The following RYR2 variants were observed in gnomAD, a reference collection of about 807,000 sequenced individuals.
RYR2 encodes cardiac muscle ryanodine receptor-calcium release channel.
A neutral mutation model predicts 601.1 loss-of-function variants in RYR2; 227 were observed. That is an observed-to-expected ratio of 0.38 (90% CI 0.34 to 0.42). The LOEUF is 0.42. Ranked by LOEUF, RYR2 falls within the 10% of genes least tolerant of loss-of-function variation. RYR2 has a pLI of 1.00. For missense variants in RYR2, 4,646 were observed against 6,156.5 expected (o/e 0.75, Z 8.21); for synonymous variants, 2,223 against 2,175.1 (o/e 1.02, Z -0.61).
chr1:237,530,864 C>T (rs1049496273), intron 25 of RYR2, among the ~76,000 whole-genome samples: 17 of 151,432 alleles, frequency 1.1e-4, no homozygotes, highest in Non-Finnish European at 1.5e-4. Context: ...GAGTCAAGAT[C>T]GTGCCACTGC....
At chr1:237,741,412 C>T (rs1691594698) in intron 79 of RYR2, among the ~76,000 whole-genome samples, 1 of 151,942 alleles carries the variant, frequency 6.6e-6, no homozygotes, top group Non-Finnish European at 1.5e-5. Flanking sequence ...CCCATGGAAA[C>T]ATTGAATGCT....
At chr1:237,564,787 A>G (rs1484141975) in intron 27 of RYR2, among the ~76,000 whole-genome samples, 1 of 152,208 alleles carries the variant, frequency 6.6e-6, no homozygotes, top group Non-Finnish European at 1.5e-5. Context: ...AGTTAGTTCT[A>G]CATTCAGTAA....
chr1:237,088,370 C>T (rs1666591143), intron 1 of RYR2, among the ~76,000 whole-genome samples: 1 of 152,158 alleles, frequency 6.6e-6, no homozygotes, highest in East Asian at 1.9e-4. Flanking sequence ...GCTACCTGTG[C>T]TTTTCTTTCC....
chr1:237,318,519 A>G (rs2149516924), intron 2 of RYR2, among the ~76,000 whole-genome samples: 1 of 152,266 alleles, frequency 6.6e-6, no homozygotes, highest in South Asian at 2.1e-4. Context: ...CTAGGAACAA[A>G]TTCTCAGTCT....
chr1:237,414,890 G>T (rs925915174), intron 10 of RYR2, among the ~76,000 whole-genome samples: 11 of 152,168 alleles, frequency 7.2e-5, no homozygotes, highest in African/African-American at 2.7e-4. Flanking sequence ...CCCTCAAAGG[G>T]AGAGGATTCT....
chr1:237,626,385 A>G (rs904674004), intron 40 of RYR2, among the ~76,000 whole-genome samples: 3 of 151,998 alleles, frequency 2.0e-5, no homozygotes, highest in African/African-American at 7.2e-5. Context: ...TGGTTTGTTA[A>G]TAGCTTTCCC....
intron 66 of RYR2, among the ~76,000 whole-genome samples, chr1:237,704,897 A>C (rs1688245952): frequency 6.6e-6 from 1 of 152,236 alleles, no homozygotes; most frequent in Non-Finnish European, 1.5e-5. Flanking sequence ...ACAAATTATC[A>C]GAATCAGTCT....
chr1:237,676,059 A>G (rs1340906866), intron 60 of RYR2, among the ~76,000 whole-genome samples: 2 of 152,164 alleles, frequency 1.3e-5, no homozygotes, highest in Non-Finnish European at 2.9e-5. Flanking sequence ...AAGAACAAAA[A>G]TGAGGTAGGG....
Position 237,828,449 on chromosome 1 carries a change from A to AGCT in RYR2, c.14655+5_14655+7dup. 1 of 1,551,012 alleles carries AGCT rather than the reference A, an allele frequency of 6.4e-7. No individual in the cohort carries two copies. Among genetic ancestry groups the AGCT allele is most frequent in the Non-Finnish European group, 8.8e-7 (1 of 1,142,536 alleles). On this transcript the variant is annotated splice_donor_region_variant and intron_variant, in intron 102 of 104. Coordinates refer to ENST00000366574, the MANE Select transcript of RYR2 (RefSeq NM_001035.3). The stretch of plus-strand genomic sequence containing the variant: ...ACAAGTCAAAGAAGACATGGAGGTA[A>AGCT]GCTTCTCCATTCATGACTCAGCTTC...
At chr1:237,557,005 G>C (rs979150771) in intron 27 of RYR2, among the ~76,000 whole-genome samples, 1 of 151,442 alleles carries the variant, frequency 6.6e-6, no homozygotes, top group African/African-American at 2.4e-5. Context: ...TAGTCTCTCT[G>C]AGATTGCTAT....
intron 1 of RYR2, among the ~76,000 whole-genome samples, chr1:237,045,403 G>A (rs2148089840): frequency 6.6e-6 from 1 of 152,170 alleles, no homozygotes; most frequent in South Asian, 2.1e-4. Flanking sequence ...TGTCTCTCTG[G>A]CATCTCTGTT....
At chr1:237,484,775 TA>T (rs1189716093) in intron 17 of RYR2, among the ~76,000 whole-genome samples, 3 of 152,174 alleles carry the variant, frequency 2.0e-5, no homozygotes, top group African/African-American at 4.8e-5. Flanking sequence ...AGTCTATCAG[TA>T]AAAAGCAAAC....
chr1:237,770,086 T>C (rs921074548), intron 84 of RYR2, among the ~76,000 whole-genome samples: 22 of 152,170 alleles, frequency 1.4e-4, no homozygotes, highest in Admixed American at 3.3e-4. Flanking sequence ...CGCCTTTCTT[T>C]TCACCTTTCT....
chr1:237,781,151 C>G (rs1471485918), intron 88 of RYR2, among the ~76,000 whole-genome samples: 1 of 152,134 alleles, frequency 6.6e-6, no homozygotes, highest in African/African-American at 2.4e-5. Flanking sequence ...CAGGCTCAAG[C>G]AATTCTTGTG....
At chr1:237,391,915 G>T (rs1384186438) in intron 10 of RYR2, among the ~76,000 whole-genome samples, 3 of 152,008 alleles carry the variant, frequency 2.0e-5, no homozygotes, top group African/African-American at 7.2e-5. Context: ...TTGCTTTTAT[G>T]GATTGAATCC....
At chr1:237,542,700 GCT>G (rs1368253374) in intron 25 of RYR2, among the ~76,000 whole-genome samples, 17 of 152,132 alleles carry the variant, frequency 1.1e-4, no homozygotes. Flanking sequence ...AGCTAAGAAT[GCT>G]CTCTCTGGCC....
chr1:237,211,260 G>A lies in RYR2; in HGVS notation c.49-59237G>A, dbSNP rs939858383. 2.6e-5 allele frequency among the ~76,000 whole-genome samples: 4 copies of A among 152,194 alleles called. No homozygotes were observed. The South Asian group carries it at 8.3e-4, about 32-fold the overall frequency. On this transcript the variant is annotated intron_variant, in intron 1 of 104. Coordinates refer to ENST00000366574, the MANE Select transcript of RYR2 (RefSeq NM_001035.3). ...CCATTCCATGGCACTGACTCAGGAA[G>A]CTTGTCATAGACTGTGCCAGTATTT...
intron 91 of RYR2, among the ~76,000 whole-genome samples, chr1:237,787,708 G>T (rs1275872224): frequency 1.3e-5 from 2 of 150,814 alleles, no homozygotes; most frequent in Non-Finnish European, 2.9e-5. Flanking sequence ...TTTCATTGCA[G>T]AATTGGAAGG....
At chr1:237,439,411 G>A (rs1351069286) in intron 12 of RYR2, among the ~76,000 whole-genome samples, 1 of 152,150 alleles carries the variant, frequency 6.6e-6, no homozygotes, top group Non-Finnish European at 1.5e-5. Context: ...TTGGGAGGCC[G>A]AGGTGGGTGG....
Sources: gnomAD v4.1 joint callset for allele counts (sites outside exome capture counted in the v4.1 genomes callset) on GRCh38, gnomAD v4.1.1 for gene constraint, MANE v1.5 for transcripts, NCBI Gene and HGNC (gene_info 2026-07-23, HGNC 2026-07-21) for gene names.